Variants in SHANK2 observed in about 807,000 individuals in gnomAD.
The protein encoded by SHANK2 is SH3 and multiple ankyrin repeat domains 2.
A neutral mutation model predicts 133.7 loss-of-function variants in SHANK2; 43 were observed. That is an observed-to-expected ratio of 0.32 (90% CI 0.25 to 0.41). The LOEUF (loss-of-function observed/expected upper bound fraction) is 0.41. SHANK2 is among the 10% of genes least tolerant of loss of function. The pLI is 1.00. For synonymous variants in SHANK2, 1,017 were observed against 952.8 expected, an observed-to-expected ratio of 1.07 and a Z score of -1.24; for missense variants, 1,994 against 2,235.8, an observed-to-expected ratio of 0.89 and a Z score of 2.18.
chr11:70,869,335 C>G (rs1949421522), intron 11 of SHANK2, among the ~76,000 whole-genome samples: 1 of 152,188 alleles, frequency 6.6e-6, no homozygotes, highest in Non-Finnish European at 1.5e-5. Flanking sequence ...TCCAGACCAG[C>G]AGGTTTCAGA....
intron 11 of SHANK2, among the ~76,000 whole-genome samples, chr11:70,852,593 C>T (rs1451896028): frequency 1.3e-5 from 2 of 152,210 alleles, no homozygotes; most frequent in African/African-American, 4.8e-5. Context: ...GCCTGTAATC[C>T]CAGCACTTTG....
Position 70,807,522 on chromosome 11 carries a change from A to G in SHANK2, c.1494-351T>C, listed in dbSNP as rs981920860. ...CCAAACATACAATGGAACGCTGTTT[A>G]GCCTCCATCAGGAATTAAACTCTGG... On this transcript the variant is annotated intron_variant, in intron 12 of 25. Transcript: ENST00000601538. The surrounding 1 kb of genome is among the most constrained non-coding windows in gnomAD (Gnocchi z 4.8). Among the ~76,000 whole-genome samples the G allele has an allele frequency of 6.6e-6, 1 of 152,186 alleles. No homozygotes were observed. Among genetic ancestry groups the G allele is most frequent in the Admixed American group, 6.5e-5 (1 of 15,274 alleles).
intron 14 of SHANK2, among the ~76,000 whole-genome samples, chr11:70,748,799 C>T (rs1345466364): frequency 1.3e-5 from 2 of 152,088 alleles, no homozygotes; most frequent in Admixed American, 6.5e-5. Context: ...ATGTGAAGAC[C>T]ACTAGTGCCG....
At chr11:70,780,750 T>C (rs1947465180) in intron 14 of SHANK2, among the ~76,000 whole-genome samples, 1 of 152,038 alleles carries the variant, frequency 6.6e-6, no homozygotes, top group Non-Finnish European at 1.5e-5. Context: ...TTTTTTGTAC[T>C]TTTAGTAGAG....
In SHANK2 at chr11:71,118,971, G is replaced by A. The variant is rs1167034682; in HGVS notation, c.269C>T (p.Thr90Ile). The change falls in exon 4 of 26, where the codon ACA becomes ATA. Residue 90 changes from threonine (T) to isoleucine (I), a missense_variant. Around this residue, in one of 5 missense-constraint regions of SHANK2, gnomAD observed 653 missense variants for 563.4 expected, o/e 1.16. Transcript: ENST00000601538. ...VWVAKQRILC[T>I]LTQSLKDVLN... ...GACATCTTTCAAACTCTGGGTTAATGTACACAGGATCCGCTGCTTTGCAAC... is the reference window on the plus strand; with the variant it reads ...GACATCTTTCAAACTCTGGGTTAATATACACAGGATCCGCTGCTTTGCAAC... 2.6e-6 allele frequency: 4 copies of A among 1,551,772 alleles called. No homozygotes were observed. In the African/African-American group the frequency reaches 5.5e-5, roughly 21 times the overall value.
chr11:70,620,433 C>A (rs1554997266), intron 17 of SHANK2, among the ~76,000 whole-genome samples: 1 of 152,096 alleles, frequency 6.6e-6, no homozygotes, highest in African/African-American at 2.4e-5. Flanking sequence ...ACAGGTAATC[C>A]CATCGTTATT....
intron 10 of SHANK2, chr11:70,952,751 C>T (rs1296162416): frequency 1.4e-5 from 6 of 439,180 alleles, no homozygotes; most frequent in Admixed American, 2.5e-5. Flanking sequence ...TTCGTGTGTC[C>T]GGGGGGGCCT....
At chr11:71,246,695 CCT>C (rs1208551280) in intron 1 of SHANK2, among the ~76,000 whole-genome samples, 2 of 152,098 alleles carry the variant, frequency 1.3e-5, no homozygotes, top group Non-Finnish European at 2.9e-5. Context: ...CCCTAACATC[CCT>C]GAGGCTCTTT....
intron 11 of SHANK2, among the ~76,000 whole-genome samples, chr11:70,833,363 C>T (rs1299017561): frequency 6.6e-6 from 1 of 152,248 alleles, no homozygotes; most frequent in Non-Finnish European, 1.5e-5. Flanking sequence ...GAGTCTTCTG[C>T]CTCCTGCATC....
intron 11 of SHANK2, among the ~76,000 whole-genome samples, chr11:70,874,250 C>CTCTAA (rs782569441): frequency 3.3e-5 from 5 of 152,172 alleles, no homozygotes; most frequent in Non-Finnish European, 5.9e-5. Flanking sequence ...CCAGCTATCC[C>CTCTAA]TCTAATCTAA....
Position 71,070,766 on chromosome 11 carries a change from C to T in SHANK2, c.1029+4393G>A, listed in dbSNP as rs987433359. On this transcript the variant is annotated intron_variant, in intron 9 of 25. Transcript: ENST00000601538. ...TTTTGCACTACAGTGGCAGTTGAAT[C>T]GTTATGACGGAGTCCATGCGACACG... Among the ~76,000 whole-genome samples, 69 of 152,262 alleles carry T rather than the reference C, an allele frequency of 4.5e-4. 1 individual carries two copies. The highest frequency in any genetic ancestry group is 4.0e-3 in the Admixed American group (61 of 15,290).
intron 15 of SHANK2, among the ~76,000 whole-genome samples, chr11:70,697,456 C>G (rs982165007): frequency 3.3e-5 from 5 of 152,152 alleles, no homozygotes; most frequent in African/African-American, 1.2e-4. Context: ...AGCCCACAGA[C>G]AGAAGCAGGT....
intron 10 of SHANK2, among the ~76,000 whole-genome samples, chr11:70,908,495 A>T (rs1253201541): frequency 3.3e-5 from 5 of 152,182 alleles, no homozygotes; most frequent in Non-Finnish European, 5.9e-5. Context: ...CCACAGTTTC[A>T]TTCTGCGATT....
intron 8 of SHANK2, among the ~76,000 whole-genome samples, chr11:71,079,535 C>T (rs879244830): frequency 0.75 from 113,551 of 151,140 alleles, 42,727 homozygotes; most frequent in Middle Eastern, 0.81. Context: ...CCGAGGCGGG[C>T]GGATCACGAG....
rs113156725 is a variant in SHANK2 at position 70,827,690 on chromosome 11, A to AACAC, written c.1175-7012_1175-7009dup. The stretch of plus-strand genomic sequence containing the variant: ...TAAGAGAACTGCTTCAGAAATTTAA[A>AACAC]ACACACACACACACACACACACACA... On this transcript the variant is annotated intron_variant, in intron 11 of 25. Coordinates refer to ENST00000601538, the MANE Select transcript of SHANK2 (RefSeq NM_012309.5). Among the ~76,000 whole-genome samples, 1,264 of 130,470 alleles carry AACAC rather than the reference A, an allele frequency of 9.7e-3. 19 individuals carry two copies. The highest frequency in any genetic ancestry group is 0.032 in the African/African-American group (1,075 of 33,554). 85.6% of individuals were successfully genotyped at this position (130,470 alleles called of 152,430 possible). A position where few individuals can be genotyped will look rare whatever the true frequency, so the allele number is the denominator to read the frequency against.
intron 2 of SHANK2, among the ~76,000 whole-genome samples, chr11:71,155,220 G>A (rs1381625024): frequency 1.7e-5 from 2 of 115,270 alleles, no homozygotes; most frequent in African/African-American, 3.6e-5. Context: ...TCCCAGAGGG[G>A]TGGACCTACC....
At chr11:70,700,202 G>T (rs1351100020) in intron 14 of SHANK2, among the ~76,000 whole-genome samples, 2 of 152,052 alleles carry the variant, frequency 1.3e-5, no homozygotes, top group East Asian at 3.9e-4. Flanking sequence ...AACACAACAG[G>T]ACTCCCCAAA....
At chr11:70,890,983 T>C (rs1555074612) in intron 11 of SHANK2, among the ~76,000 whole-genome samples, 1 of 145,728 alleles carries the variant, frequency 6.9e-6, no homozygotes, top group South Asian at 2.2e-4. Context: ...AAAAAAAGAG[T>C]TGTCACGGGA....
intron 17 of SHANK2, among the ~76,000 whole-genome samples, chr11:70,585,388 G>A (rs1272259583): frequency 6.6e-6 from 1 of 152,186 alleles, no homozygotes; most frequent in Non-Finnish European, 1.5e-5. Context: ...GGGAGGAATG[G>A]GGAAGCAGCC....
Sources: gnomAD v4.1 joint callset for allele counts (sites outside exome capture counted in the v4.1 genomes callset) on GRCh38, gnomAD v4.1.1 for gene constraint, gnomAD v4.1.1 regional missense constraint, Gnocchi (gnomAD v3.1) non-coding constraint, MANE v1.5 for transcripts, NCBI Gene and HGNC (gene_info 2026-07-23, HGNC 2026-07-21) for gene names.